The following ZNF469 variants were observed in gnomAD, a reference collection of about 807,000 sequenced individuals.
The protein encoded by ZNF469 is zinc finger protein 469.
In ZNF469, 1 loss-of-function variant was observed where a neutral mutation model predicts 1.0. The observed-to-expected ratio is 1.00, with a 90% CI of 0.35 to 4.73. ZNF469 has a LOEUF of 4.73. Ranked by LOEUF, ZNF469 falls within the 30% of genes most tolerant of loss-of-function variation. The pLI, the probability that ZNF469 is intolerant of heterozygous loss-of-function variation, is 0.16. For missense variants in ZNF469, 6,100 were observed against 5,356.3 expected (o/e 1.14, Z -4.33); for synonymous variants, 2,703 against 2,363.4 (o/e 1.14, Z -4.17).
the ZNF469 span, among the ~76,000 whole-genome samples, chr16:88,225,675 G>T: frequency 6.6e-6 from 1 of 152,148 alleles, no homozygotes; most frequent in African/African-American, 2.4e-5. Flanking sequence ...GGCCTCGTGG[G>T]TGGGATTGGT....
the ZNF469 span, among the ~76,000 whole-genome samples, chr16:88,160,091 C>T: frequency 6.6e-6 from 1 of 152,202 alleles, no homozygotes; most frequent in Admixed American, 6.5e-5. Flanking sequence ...ATGATCCTAC[C>T]TATGCAGCTT....
In ZNF469 at chr16:88,427,924, A is replaced by G. The variant is rs1905802663; in HGVS notation, c.454A>G (p.Thr152Ala). Residue 152 changes from threonine (T) to alanine (A), a missense_variant, in exon 3 of 3, where the codon ACC becomes GCC. Physicochemically the swap from Thr to Ala is moderately conservative, Grantham distance 58. Coordinates refer to ENST00000565624, the MANE Select transcript of ZNF469 (RefSeq NM_001367624.2). ...LEAAQLPEVD[T>A]PQGPGTGAPL... Reference sequence around the variant, plus strand: ...GGCTGCCCAGCTCCCTGAGGTGGACACCCCCCAGGGCCCTGGGACTGGAGC... The same window carrying G: ...GGCTGCCCAGCTCCCTGAGGTGGACGCCCCCCAGGGCCCTGGGACTGGAGC... The G allele has an allele frequency of 1.3e-6, 2 of 1,549,396 alleles. No homozygotes were observed. The highest frequency in any genetic ancestry group is 1.7e-6 in the Non-Finnish European group (2 of 1,146,738).
the ZNF469 span, among the ~76,000 whole-genome samples, chr16:88,185,610 C>A: frequency 6.7e-6 from 1 of 150,280 alleles, no homozygotes; most frequent in African/African-American, 2.5e-5. Flanking sequence ...GTGCCCAGAC[C>A]TACAGACACA....
intron 1 of ZNF469, among the ~76,000 whole-genome samples, chr16:88,385,781 A>G (rs906546258): frequency 2.3e-4 from 35 of 152,258 alleles, no homozygotes; most frequent in African/African-American, 7.2e-4. Context: ...GCCTTGGGTG[A>G]GTGACCAAAC....
chr16:88,229,217 GA>G, the ZNF469 span, among the ~76,000 whole-genome samples: 32 of 151,916 alleles, frequency 2.1e-4, no homozygotes, highest in African/African-American at 6.0e-4. Flanking sequence ...TTTTTCTCGA[GA>G]AAAAAAACAA....
chr16:88,242,304 A>G, the ZNF469 span, among the ~76,000 whole-genome samples: 1 of 152,206 alleles, frequency 6.6e-6, no homozygotes, highest in African/African-American at 2.4e-5. Flanking sequence ...TTCAAAATGC[A>G]TTCAAAATTC....
At chr16:88,274,658 C>G in the ZNF469 span, among the ~76,000 whole-genome samples, 2 of 152,232 alleles carry the variant, frequency 1.3e-5, no homozygotes, top group Non-Finnish European at 2.9e-5. Context: ...GGTGTGCTTG[C>G]TTGCTCATTT....
chr16:88,247,984 G>T, the ZNF469 span, among the ~76,000 whole-genome samples: 1 of 152,128 alleles, frequency 6.6e-6, no homozygotes, highest in Non-Finnish European at 1.5e-5. Flanking sequence ...GCTGTGACGC[G>T]GCTGGACGGA....
rs1470683097 is a variant in ZNF469, at chr16:88,411,615, G to A, written c.-191-13192G>A. On this transcript the variant is annotated intron_variant, in intron 1 of 2. Transcript: ENST00000565624. ...CCCCTTGGCCTGCCTCAGGGAGAAC[G>A]GGGTGTAGGGAGCCCCAGGAAGCTG... Among the ~76,000 whole-genome samples the A allele has an allele frequency of 3.9e-5, 6 of 152,176 alleles. No individual in the cohort carries two copies. The East Asian group carries it at 1.2e-3, about 29-fold the overall frequency.
At chr16:88,265,258 C>T in the ZNF469 span, among the ~76,000 whole-genome samples, 1 of 152,224 alleles carries the variant, frequency 6.6e-6, no homozygotes, top group Non-Finnish European at 1.5e-5. Context: ...GGTCGGCTCT[C>T]ACTGACCAAG....
chr16:88,139,620 G>A, the ZNF469 span, among the ~76,000 whole-genome samples: 2 of 151,432 alleles, frequency 1.3e-5, no homozygotes, highest in Non-Finnish European at 2.9e-5. Flanking sequence ...GCTGTGAAAA[G>A]TGGATCTGAA....
chr16:88,121,478 G>T, the ZNF469 span, among the ~76,000 whole-genome samples: 1 of 152,180 alleles, frequency 6.6e-6, no homozygotes, highest in African/African-American at 2.4e-5. Flanking sequence ...TGAAACGTTC[G>T]CAAAGAAACA....
At chr16:88,249,397 TTTTCTTTTTCTTTTTC>T in the ZNF469 span, among the ~76,000 whole-genome samples, 1 of 146,962 alleles carries the variant, frequency 6.8e-6, no homozygotes, top group Non-Finnish European at 1.5e-5. Flanking sequence ...TGCCATTTTT[TTTTCTTTTTCTTTTTC>T]TTTCTTTTTC....
the ZNF469 span, among the ~76,000 whole-genome samples, chr16:88,366,321 C>T: frequency 2.6e-5 from 4 of 151,844 alleles, no homozygotes; most frequent in African/African-American, 9.7e-5. Context: ...CTATCACCGT[C>T]ATTATCATTA....
the ZNF469 span, among the ~76,000 whole-genome samples, chr16:88,289,534 G>T: frequency 6.6e-6 from 1 of 152,186 alleles, no homozygotes; most frequent in Non-Finnish European, 1.5e-5. Context: ...ACTATGCTGA[G>T]TGCTTCACCT....
In ZNF469 at chr16:88,431,892, G is replaced by C; in HGVS notation, c.4422G>C (p.Ala1474=). ...CACCCCTCTATGGCAGCCTGTCTGC[G>C]AACAGGGACTCCGGTCTGCCGTTCG... ...FDPPLYGSLS[A]NRDSGLPFAC... The change falls in exon 3 of 3, where the codon GCG becomes GCC. Residue 1474 remains alanine, a synonymous_variant. Transcript: ENST00000565624. 6.5e-7 allele frequency: 1 copy of C among 1,549,802 alleles called. No homozygotes were observed. Among genetic ancestry groups the C allele is most frequent in the Admixed American group, 2.0e-5 (1 of 51,004 alleles).
the ZNF469 span, among the ~76,000 whole-genome samples, chr16:88,275,081 G>C: frequency 6.6e-6 from 1 of 152,222 alleles, no homozygotes; most frequent in African/African-American, 2.4e-5. Context: ...CTGTGGGCTG[G>C]AGAGATAGGG....
At chr16:88,202,960 A>G in the ZNF469 span, among the ~76,000 whole-genome samples, 3 of 152,294 alleles carry the variant, frequency 2.0e-5, no homozygotes, top group African/African-American at 7.2e-5. Context: ...CTTTGCCGTG[A>G]CAGTCTCTGT....
At chr16:88,422,281 A>AATGGATGGATGGATGGATGGATGGATGG (rs149579956) in intron 1 of ZNF469, among the ~76,000 whole-genome samples, 2 of 121,790 alleles carry the variant, frequency 1.6e-5, no homozygotes, top group African/African-American at 3.4e-5. Flanking sequence ...ATAGGTGGGT[A>AATGGATGGATGGATGGATGGATGGATGG]ATGGATGGAT....
Sources: allele counts gnomAD v4.1 joint callset (sites outside exome capture counted in the v4.1 genomes callset), GRCh38; gene constraint gnomAD v4.1.1; transcripts MANE v1.5; gene names NCBI Gene and HGNC (gene_info 2026-07-23, HGNC 2026-07-21).